Variants in SLC16A7 observed in about 807,000 individuals in gnomAD.
The protein encoded by SLC16A7 is solute carrier family 16 member 7, also known as monocarboxylate transporter 2.
Under a neutral mutation model 34.9 loss-of-function variants are expected in SLC16A7, and 33 were observed. The observed-to-expected ratio is 0.94, with a 90% CI of 0.72 to 1.26. The LOEUF (loss-of-function observed/expected upper bound fraction) is 1.26, where lower values mean the gene tolerates loss of function less well. SLC16A7 is among the 50% of genes most tolerant of loss of function. SLC16A7 has a pLI of 0.00. For missense variants in SLC16A7, 573 were observed against 578.1 expected (o/e 0.99, Z 0.09); for synonymous variants, 201 against 206.6 (o/e 0.97, Z 0.23).
chr12:59,605,592 G>A (rs1386661715), intron 1 of SLC16A7, among the ~76,000 whole-genome samples: 1 of 152,208 alleles, frequency 6.6e-6, no homozygotes, highest in African/African-American at 2.4e-5. Flanking sequence ...CTGTGTTCCA[G>A]ACACTGTTTT....
chr12:59,615,495 G>C (rs1879408368), intron 1 of SLC16A7, among the ~76,000 whole-genome samples: 1 of 152,082 alleles, frequency 6.6e-6, no homozygotes, highest in African/African-American at 2.4e-5. Flanking sequence ...TCTTGTAAGA[G>C]GAATTTTCTG....
intron 1 of SLC16A7, among the ~76,000 whole-genome samples, chr12:59,643,842 A>G (rs778137842): frequency 2.2e-4 from 34 of 152,200 alleles, no homozygotes; most frequent in Non-Finnish European, 3.5e-4. Flanking sequence ...TTACACTTCA[A>G]TAGGTTCTGA....
chr12:59,605,868 A>T, intron 1 of SLC16A7, among the ~76,000 whole-genome samples: 1 of 152,182 alleles, frequency 6.6e-6, no homozygotes, highest in South Asian at 2.1e-4. Context: ...TGAAATTTCG[A>T]CTAAGCTACT....
chr12:59,698,028 G>A (rs1403364581), intron 2 of SLC16A7, among the ~76,000 whole-genome samples: 3 of 151,724 alleles, frequency 2.0e-5, no homozygotes, highest in Non-Finnish European at 4.4e-5. Flanking sequence ...CAGTAGAAAT[G>A]TTATTTGAAG....
At chr12:59,775,724 A>C (rs1028967949) in intron 5 of SLC16A7, among the ~76,000 whole-genome samples, 2 of 152,136 alleles carry the variant, frequency 1.3e-5, no homozygotes. Flanking sequence ...TAGTAACATA[A>C]TCTTCAGGAT....
chr12:59,603,952 G>C (rs1431358962), intron 1 of SLC16A7, among the ~76,000 whole-genome samples: 2 of 152,012 alleles, frequency 1.3e-5, no homozygotes, highest in Non-Finnish European at 2.9e-5. Context: ...AGCTTCCTGG[G>C]GCCACATGAA....
intron 2 of SLC16A7, among the ~76,000 whole-genome samples, chr12:59,681,803 A>G (rs1382421382): frequency 6.6e-6 from 1 of 152,144 alleles, no homozygotes; most frequent in East Asian, 1.9e-4. Context: ...GTGGGCATAT[A>G]GGGAATCAAC....
intron 1 of SLC16A7, among the ~76,000 whole-genome samples, chr12:59,599,421 G>A (rs1480091309): frequency 6.6e-6 from 1 of 152,000 alleles, no homozygotes; most frequent in Non-Finnish European, 1.5e-5. Context: ...ATTCTCTTTG[G>A]TTTGACAAAT....
intron 2 of SLC16A7, among the ~76,000 whole-genome samples, chr12:59,670,279 C>A (rs529172241): frequency 7.9e-4 from 121 of 152,244 alleles, no homozygotes; most frequent in Non-Finnish European, 1.3e-3. Flanking sequence ...TCCATTGTGA[C>A]CTCATCTTAA....
At chr12:59,614,864 G>A (rs1021987810) in intron 1 of SLC16A7, among the ~76,000 whole-genome samples, 7 of 148,214 alleles carry the variant, frequency 4.7e-5, no homozygotes, top group East Asian at 2.0e-4. Flanking sequence ...TTAGCCAGGC[G>A]TGGTGGTGGG....
chr12:59,600,910 A>C (rs548685122), intron 1 of SLC16A7, among the ~76,000 whole-genome samples: 5 of 152,314 alleles, frequency 3.3e-5, no homozygotes, highest in African/African-American at 1.2e-4. Context: ...GTCTCAAAGG[A>C]CCTCATGAAA....
chr12:59,722,193 A>T lies in SLC16A7; in HGVS notation c.217+17175A>T, dbSNP rs142183192. 1.4e-3 allele frequency among the ~76,000 whole-genome samples: 213 copies of T among 152,072 alleles called. 1 individual carries two copies. The highest frequency in any genetic ancestry group is 6.8e-3 in the Middle Eastern group (2 of 294). On this transcript the variant is annotated intron_variant, in intron 3 of 5. Transcript: ENST00000547379. ...CTGAAATTCTCCTCCAAACCTGTTG[A>T]TCAGGTCAAAAACATTGGAGCCATG...
Position 59,730,309 on chromosome 12 carries a change from G to A in SLC16A7, c.217+25291G>A, listed in dbSNP as rs576028497. ...TTTTCTACTCCCGTCCACATGGATA[G>A]TCTTATGTCCACTCTAAAAGGGTAT... is the stretch of plus-strand genomic sequence containing the variant. On this transcript the variant is annotated intron_variant, in intron 3 of 5. Transcript: ENST00000547379. Among the ~76,000 whole-genome samples the A allele has an allele frequency of 8.0e-5, 12 of 149,712 alleles. No homozygotes were observed. In the East Asian group the frequency reaches 2.3e-3, roughly 29 times the overall value.
At chr12:59,740,384 G>A (rs1358208446) in intron 3 of SLC16A7, among the ~76,000 whole-genome samples, 1 of 152,134 alleles carries the variant, frequency 6.6e-6, no homozygotes, top group Non-Finnish European at 1.5e-5. Flanking sequence ...TGAGGGCTCT[G>A]TTCTGTTCCA....
intron 1 of SLC16A7, chr12:59,597,237 A>T (rs1014100508): frequency 6.7e-6 from 1 of 148,740 alleles, no homozygotes; most frequent in African/African-American, 2.5e-5. Context: ...ACACACACAC[A>T]CACACACACA....
chr12:59,719,519 G>A (rs762362376), intron 3 of SLC16A7, among the ~76,000 whole-genome samples: 15 of 152,018 alleles, frequency 9.9e-5, no homozygotes, highest in Non-Finnish European at 1.9e-4. Context: ...TTTTATAACA[G>A]TTTGTAATAA....
chr12:59,700,463 AAT>A (rs2137124819), intron 2 of SLC16A7, among the ~76,000 whole-genome samples: 1 of 149,474 alleles, frequency 6.7e-6, no homozygotes, highest in East Asian at 1.9e-4. Flanking sequence ...TAGAAAATTT[AAT>A]ATATATTTGA....
chr12:59,773,344 T>C (rs1882418928), intron 4 of SLC16A7, among the ~76,000 whole-genome samples: 1 of 152,132 alleles, frequency 6.6e-6, no homozygotes, highest in South Asian at 2.1e-4. Flanking sequence ...GTCCTCTTAC[T>C]TATAGAAAAT....
chr12:59,748,925 G>A (rs896154674), intron 3 of SLC16A7, among the ~76,000 whole-genome samples: 5 of 152,172 alleles, frequency 3.3e-5, no homozygotes, highest in African/African-American at 1.2e-4. Flanking sequence ...ACTGTGGTTT[G>A]ATAATTTTAA....
Sources: allele counts gnomAD v4.1 joint callset (sites outside exome capture counted in the v4.1 genomes callset), GRCh38; gene constraint gnomAD v4.1.1; transcripts MANE v1.5; gene names NCBI Gene and HGNC (gene_info 2026-07-23, HGNC 2026-07-21).